Variants in ADRA1B observed in about 807,000 individuals in gnomAD.
ADRA1B encodes alpha-1B adrenergic receptor.
ADRA1B carries 17 observed loss-of-function variants against 17.9 expected under a neutral mutation model. The observed-to-expected ratio is 0.95, with a 90% CI of 0.65 to 1.42. ADRA1B has a LOEUF of 1.42. ADRA1B is among the 40% of genes most tolerant of loss of function. The probability of loss-of-function intolerance (pLI) is 0.00; values close to 1 mark genes in which losing one functional copy is unlikely to be tolerated. For missense variants in ADRA1B, 681 were observed against 722.1 expected, an observed-to-expected ratio of 0.94 and a Z score of 0.65; for synonymous variants, 366 against 327.6, an observed-to-expected ratio of 1.12 and a Z score of -1.27.
At position 159,875,159 on chromosome 5, in the gene ADRA1B, C is replaced by T. The variant is rs1398519391; in HGVS notation, c.-256+9953C>T. Among the ~76,000 whole-genome samples, 3 of 152,132 alleles carry T rather than the reference C, an allele frequency of 2.0e-5. No individual in the cohort carries two copies. In the East Asian group the frequency reaches 5.8e-4, roughly 29 times the overall value. Reference sequence around the variant, plus strand: ...AGAAGGGGGCTTTGGTAACATAATTCATGGTGGAGAAAACAACAGTGGCCT... The same window carrying T: ...AGAAGGGGGCTTTGGTAACATAATTTATGGTGGAGAAAACAACAGTGGCCT... On this transcript the variant is annotated intron_variant, in intron 1 of 2. Transcript: ENST00000641205.
upstream of ADRA1B, chr5:159,916,121 G>T (rs2113142046): frequency 1.3e-5 from 2 of 152,442 alleles, no homozygotes; most frequent in South Asian, 4.1e-4. Context: ...TCTTTTAGGT[G>T]CTGGACAAGT....
At chr5:159,896,293 A>T (rs575954955) in intron 1 of ADRA1B, among the ~76,000 whole-genome samples, 1 of 152,352 alleles carries the variant, frequency 6.6e-6, no homozygotes, top group South Asian at 2.1e-4. Context: ...AAGGTAAAGG[A>T]AGAAGTTACT....
At chr5:159,891,843 A>T (rs776579226) in intron 1 of ADRA1B, among the ~76,000 whole-genome samples, 82 of 152,326 alleles carry the variant, frequency 5.4e-4, no homozygotes, top group African/African-American at 1.8e-3. Context: ...GAGCCGCCTT[A>T]GGATTCAACC....
At chr5:159,977,561 G>A (rs1371918693), downstream of ADRA1B, among the ~76,000 whole-genome samples, 1 of 152,156 alleles carries the variant, frequency 6.6e-6, no homozygotes, top group South Asian at 2.1e-4. Context: ...ATCCTTCCAC[G>A]GTTTTCCCAG....
At chr5:159,976,994 A>C (rs1404847651), downstream of ADRA1B, among the ~76,000 whole-genome samples, 1 of 152,234 alleles carries the variant, frequency 6.6e-6, no homozygotes, top group Non-Finnish European at 1.5e-5. Flanking sequence ...ATAATAAATG[A>C]GACAAAATAT....
chr5:159,905,153 G>A (rs941986408), intron 1 of ADRA1B, among the ~76,000 whole-genome samples: 3 of 152,196 alleles, frequency 2.0e-5, no homozygotes, highest in African/African-American at 7.2e-5. Context: ...GGGGGTTGCT[G>A]GAAGCAACAG....
intron 1 of ADRA1B, chr5:159,955,007 C>T (rs537922914): frequency 2.6e-6 from 1 of 378,842 alleles, no homozygotes; most frequent in Non-Finnish European, 3.6e-6. Context: ...GACTGAGAAG[C>T]AAGATAAGGG....
chr5:159,920,479 T>G (rs1250899411), intron 1 of ADRA1B, among the ~76,000 whole-genome samples: 6 of 152,170 alleles, frequency 3.9e-5, no homozygotes, highest in Admixed American at 3.9e-4. Flanking sequence ...TCTTGCCACC[T>G]TGATGCTATC....
intron 1 of ADRA1B, among the ~76,000 whole-genome samples, chr5:159,874,268 A>G (rs375425608): frequency 3.3e-5 from 5 of 152,290 alleles, no homozygotes; most frequent in East Asian, 3.9e-4. Flanking sequence ...GCCCTTGGGA[A>G]GAACCTCCCA....
At chr5:159,909,384 C>T (rs1374599381) in intron 1 of ADRA1B, among the ~76,000 whole-genome samples, 3 of 152,142 alleles carry the variant, frequency 2.0e-5, no homozygotes, top group East Asian at 1.9e-4. Context: ...AACACTTTGT[C>T]CAGATACAAT....
chr5:159,973,630 C>A (rs1233981045), downstream of ADRA1B, among the ~76,000 whole-genome samples: 1 of 152,166 alleles, frequency 6.6e-6, no homozygotes, highest in Non-Finnish European at 1.5e-5. Flanking sequence ...TCACAAGAAC[C>A]CTCCCAAGCT....
intron 1 of ADRA1B, among the ~76,000 whole-genome samples, chr5:159,968,006 G>A (rs1755805677): frequency 6.6e-6 from 1 of 152,184 alleles, no homozygotes; most frequent in Admixed American, 6.5e-5. Context: ...AATGCTACAT[G>A]TGTTCTGTTG....
At position 159,950,606 on chromosome 5, in the gene ADRA1B, C is replaced by A. The variant is rs1755408810; in HGVS notation, c.950-21273C>A. The A allele has an allele frequency of 4.2e-6, 4 of 961,662 alleles. No homozygotes were observed. In the African/African-American group the frequency reaches 6.3e-5, roughly 15 times the overall value. 59.6% of individuals were successfully genotyped at this position (961,662 alleles called of 1,614,324 possible). A position where few individuals can be genotyped will look rare whatever the true frequency, so the allele number is the denominator to read the frequency against. On this transcript the variant is annotated intron_variant, in intron 1 of 1. Coordinates refer to ENST00000306675, the MANE Select transcript of ADRA1B (RefSeq NM_000679.4). Reference sequence around the variant, plus strand: ...AAATGGTCTTTGAGGGCAATGCCGGCCCCAGCATCAAAGGTGGAGGAGTGG... The same window carrying A: ...AAATGGTCTTTGAGGGCAATGCCGGACCCAGCATCAAAGGTGGAGGAGTGG...
intron 1 of ADRA1B, among the ~76,000 whole-genome samples, chr5:159,963,288 G>GTATATATATATATATATATATA (rs10522262): frequency 0.021 from 2,759 of 131,816 alleles, 85 homozygotes; most frequent in African/African-American, 0.033. Context: ...AACAAAAAAA[G>GTATATATATATATATATATATA]TATATATATA....
chr5:159,951,438 C>G, intron 1 of ADRA1B: 1 of 755,216 alleles, frequency 1.3e-6, no homozygotes, highest in South Asian at 1.4e-5. Context: ...TTAAAAGCTG[C>G]CCTGGTGAGC....
At chr5:159,987,335 G>A in the ADRA1B span, among the ~76,000 whole-genome samples, 2 of 152,248 alleles carry the variant, frequency 1.3e-5, no homozygotes, top group Non-Finnish European at 2.9e-5. Context: ...TCAGCGGGCC[G>A]GCGCCGCGGC....
intron 1 of ADRA1B, among the ~76,000 whole-genome samples, chr5:159,936,597 T>G (rs1259345877): frequency 1.3e-5 from 2 of 152,030 alleles, no homozygotes; most frequent in South Asian, 4.1e-4. Context: ...TTCTCTTTGC[T>G]CTCCGTGAAA....
intron 1 of ADRA1B, among the ~76,000 whole-genome samples, chr5:159,880,235 T>C (rs1753849218): frequency 6.6e-6 from 1 of 152,160 alleles, no homozygotes; most frequent in Non-Finnish European, 1.5e-5. Flanking sequence ...CCTGAAGCGG[T>C]GGCAGCAGTT....
At chr5:159,888,426 T>TCAAA (rs1331609854) in intron 1 of ADRA1B, 3 of 152,168 alleles carry the variant, frequency 2.0e-5, no homozygotes, top group African/African-American at 7.2e-5. Context: ...ATAGGCTCCT[T>TCAAA]CAAACATGAA....
Sources: allele counts gnomAD v4.1 joint callset (sites outside exome capture counted in the v4.1 genomes callset), GRCh38; gene constraint gnomAD v4.1.1; transcripts MANE v1.5; gene names NCBI Gene and HGNC (gene_info 2026-07-23, HGNC 2026-07-21).